Variants in KIRREL3 observed in about 807,000 individuals in gnomAD.
KIRREL3 encodes kin of IRRE-like protein 3.
KIRREL3 carries 36 observed loss-of-function variants against 89.7 expected under a neutral mutation model. The observed-to-expected ratio is 0.40, with a 90% CI of 0.31 to 0.53. The LOEUF is 0.53. Ranked by LOEUF, KIRREL3 falls within the 20% of genes least tolerant of loss-of-function variation. The pLI is 0.49. For missense variants in KIRREL3, 864 were observed against 1,056.6 expected, an observed-to-expected ratio of 0.82 and a Z score of 2.53; for synonymous variants, 445 against 441.4, an observed-to-expected ratio of 1.01 and a Z score of -0.10.
chr11:126,790,188 C>A (rs1730130554), intron 1 of KIRREL3, among the ~76,000 whole-genome samples: 1 of 152,206 alleles, frequency 6.6e-6, no homozygotes. Flanking sequence ...GTTTCTTGTC[C>A]TCTTGCCTCT....
At chr11:126,914,253 G>A (rs955929100) in intron 1 of KIRREL3, among the ~76,000 whole-genome samples, 10 of 152,212 alleles carry the variant, frequency 6.6e-5, no homozygotes, top group Non-Finnish European at 1.5e-4. Flanking sequence ...CTTGTGACAT[G>A]AAAGAGGGAG....
At chr11:126,957,688 C>T (rs561628132) in intron 1 of KIRREL3, among the ~76,000 whole-genome samples, 14 of 152,272 alleles carry the variant, frequency 9.2e-5, no homozygotes, top group African/African-American at 3.4e-4. Context: ...AGTAGGTGAC[C>T]TGTTGAGTCA....
At chr11:126,629,150 G>A (rs1943913324) in intron 1 of KIRREL3, among the ~76,000 whole-genome samples, 1 of 152,160 alleles carries the variant, frequency 6.6e-6, no homozygotes, top group African/African-American at 2.4e-5. Context: ...AAAAATGTGC[G>A]TCTCATATTT....
At chr11:126,584,215 A>T (rs936390771) in intron 1 of KIRREL3, among the ~76,000 whole-genome samples, 3 of 152,208 alleles carry the variant, frequency 2.0e-5, no homozygotes, top group Non-Finnish European at 4.4e-5. Flanking sequence ...ACAGACATCA[A>T]CATAGCCTGG....
chr11:126,461,332 G>T (rs771435589), intron 6 of KIRREL3, among the ~76,000 whole-genome samples: 4 of 152,254 alleles, frequency 2.6e-5, no homozygotes, highest in Admixed American at 1.3e-4. Flanking sequence ...CAGTGAGGGG[G>T]AAGAGCCGAG....
rs746784420 is a variant in KIRREL3 at position 126,676,546 on chromosome 11, G to C, written c.56-113634C>G. Among the ~76,000 whole-genome samples the C allele has an allele frequency of 2.0e-5, 3 of 152,052 alleles. No homozygotes were observed. Among genetic ancestry groups the C allele is most frequent in the Non-Finnish European group, 2.9e-5 (2 of 68,016 alleles). ...TGTTTGAGTTGGGGGGAGATGCTGCGAGTCCTTTAAAGAACCTCCCATAGC... is the reference window on the plus strand; with the variant it reads ...TGTTTGAGTTGGGGGGAGATGCTGCCAGTCCTTTAAAGAACCTCCCATAGC... On this transcript the variant is annotated intron_variant, in intron 1 of 16. Transcript: ENST00000525144. This position sits in a 1 kb window ranked among gnomAD's most constrained non-coding sequence, Gnocchi z 4.5.
chr11:126,934,281 C>T (rs893785450), intron 1 of KIRREL3, among the ~76,000 whole-genome samples: 1 of 152,074 alleles, frequency 6.6e-6, no homozygotes. Context: ...TGAACTTAGA[C>T]CCTGGCCTCA....
At chr11:126,889,091 A>G (rs1945806854) in intron 1 of KIRREL3, among the ~76,000 whole-genome samples, 1 of 152,194 alleles carries the variant, frequency 6.6e-6, no homozygotes, top group Admixed American at 6.5e-5. Context: ...TTAAAGTAGT[A>G]TACAAGGTGA....
At chr11:126,863,485 G>A (rs112523357) in intron 1 of KIRREL3, among the ~76,000 whole-genome samples, 105,286 of 131,224 alleles carry the variant, frequency 0.8, 42,212 homozygotes, top group East Asian at 0.95. Context: ...GTGCGTGTGT[G>A]AGTGCGTGTG....
intron 1 of KIRREL3, among the ~76,000 whole-genome samples, chr11:126,657,059 A>G (rs1039745340): frequency 1.3e-5 from 2 of 152,090 alleles, no homozygotes; most frequent in African/African-American, 4.8e-5. Context: ...GTGTCTCAAA[A>G]AAAAAGAAAC....
chr11:126,991,096 C>A lies in KIRREL3; in HGVS notation c.55+9359G>T, dbSNP rs564857429. Among the ~76,000 whole-genome samples, 2 of 152,176 alleles carry A rather than the reference C, an allele frequency of 1.3e-5. No individual in the cohort carries two copies. Among genetic ancestry groups the A allele is most frequent in the Admixed American group, 1.3e-4 (2 of 15,288 alleles). On this transcript the variant is annotated intron_variant, in intron 1 of 16. Coordinates refer to ENST00000525144, the MANE Select transcript of KIRREL3 (RefSeq NM_032531.4). This position sits in a 1 kb window ranked among gnomAD's most constrained non-coding sequence, Gnocchi z 5.8. ...ACATGCATTAAAGAACAGAAGGACG[C>A]GATGGTTTCCTGTTGAAGCTGAGCA...
chr11:126,752,630 T>TC lies in KIRREL3; in HGVS notation c.56-189719dup, dbSNP rs796476471. Reference sequence around the variant, plus strand: ...TCATTGGCACTCTAATGACTACTATTCCCCCCCCACCCACTGCCTCCCAAG... The same window carrying TC: ...TCATTGGCACTCTAATGACTACTATTCCCCCCCCCACCCACTGCCTCCCAAG... On this transcript the variant is annotated intron_variant, in intron 1 of 16. Coordinates refer to ENST00000525144, the MANE Select transcript of KIRREL3 (RefSeq NM_032531.4). This position sits in a 1 kb window ranked among gnomAD's most constrained non-coding sequence, Gnocchi z 4.8. Among the ~76,000 whole-genome samples the TC allele has an allele frequency of 1.3e-4, 20 of 151,672 alleles. No individual in the cohort carries two copies. The highest frequency in any genetic ancestry group is 2.2e-4 in the African/African-American group (9 of 41,344).
rs978954513 is a variant in KIRREL3 at position 126,686,194 on chromosome 11, C to T, written c.56-123282G>A. Among the ~76,000 whole-genome samples the T allele has an allele frequency of 4.6e-5, 7 of 152,308 alleles. No individual in the cohort carries two copies. The highest frequency in any genetic ancestry group is 4.2e-4 in the South Asian group (2 of 4,818). ...GTTGAGCTTCTCCTCCACAGCCCAC[C>T]CACCTGCAGGGGCTTTCTCACGTGT... On this transcript the variant is annotated intron_variant, in intron 1 of 16. Coordinates refer to ENST00000525144, the MANE Select transcript of KIRREL3 (RefSeq NM_032531.4). The surrounding 1 kb of genome is among the most constrained non-coding windows in gnomAD (Gnocchi z 4.7).
Position 126,640,061 on chromosome 11 carries a change from C to T in KIRREL3, c.56-77149G>A, listed in dbSNP as rs149844007. On this transcript the variant is annotated intron_variant, in intron 1 of 16. Transcript: ENST00000525144. This position sits in a 1 kb window ranked among gnomAD's most constrained non-coding sequence, Gnocchi z 4.9. Reference sequence around the variant, plus strand: ...ACTGTGACAATGAATATGAAATGAACGTGCCCAGAGAAGACAATTAATCTC... The same window carrying T: ...ACTGTGACAATGAATATGAAATGAATGTGCCCAGAGAAGACAATTAATCTC... Among the ~76,000 whole-genome samples, 63 of 152,174 alleles carry T rather than the reference C, an allele frequency of 4.1e-4. No individual in the cohort carries two copies. Among genetic ancestry groups the T allele is most frequent in the Admixed American group, 1.1e-3 (17 of 15,304 alleles).
Position 126,463,246 on chromosome 11 carries a change from T to G in KIRREL3, c.653A>C (p.Asp218Ala), listed in dbSNP as rs1292444890. The change falls in exon 6 of 17, where the codon GAC becomes GCC. Residue 218 changes from aspartate (D) to alanine (A), a missense_variant. Physicochemically the swap from Asp to Ala is moderately radical, Grantham distance 126. Coordinates refer to ENST00000525144, the MANE Select transcript of KIRREL3 (RefSeq NM_032531.4). This position sits in a 1 kb window ranked among gnomAD's most constrained non-coding sequence, Gnocchi z 5.9. ...IVSTLFISPGDVENGQSIVCR... is the reference protein window; with the variant it reads ...IVSTLFISPGAVENGQSIVCR... ...CACGATGCTCTGGCCATTCTCCACG[T>G]CACCAGGGGAGATGAAGAGGGTGCT... is the stretch of plus-strand genomic sequence containing the variant. The G allele has an allele frequency of 1.2e-6, 2 of 1,613,732 alleles. No homozygotes were observed. The highest frequency in any genetic ancestry group is 1.7e-6 in the Non-Finnish European group (2 of 1,179,798).
chr11:126,437,457 ACAC>A (rs1400422808), intron 11 of KIRREL3, among the ~76,000 whole-genome samples: 2 of 152,198 alleles, frequency 1.3e-5, no homozygotes, highest in Non-Finnish European at 2.9e-5. Context: ...TTGTACACAC[ACAC>A]CACACTACAA....
intron 4 of KIRREL3, among the ~76,000 whole-genome samples, chr11:126,494,892 GAC>G (rs1957613796): frequency 6.6e-6 from 1 of 152,258 alleles, no homozygotes; most frequent in Non-Finnish European, 1.5e-5. Context: ...CCTGTGGGAT[GAC>G]ACTCACCTTA....
chr11:126,951,524 GTTGTA>G (rs1304074867), intron 1 of KIRREL3, among the ~76,000 whole-genome samples: 1 of 152,142 alleles, frequency 6.6e-6, no homozygotes, highest in Middle Eastern at 3.2e-3. Flanking sequence ...GCTGGAGATG[GTTGTA>G]TTCTGCTTAG....
intron 1 of KIRREL3, among the ~76,000 whole-genome samples, chr11:126,971,641 C>A (rs1008857538): frequency 1.2e-4 from 18 of 152,172 alleles, no homozygotes; most frequent in African/African-American, 4.3e-4. Context: ...CAGTCCGATT[C>A]TTCACTTTGG....
Sources: allele counts gnomAD v4.1 joint callset (sites outside exome capture counted in the v4.1 genomes callset), GRCh38; gene constraint gnomAD v4.1.1; non-coding constraint Gnocchi (gnomAD v3.1); transcripts MANE v1.5; gene names NCBI Gene and HGNC (gene_info 2026-07-23, HGNC 2026-07-21).